FBRSL1: variants seen among roughly 807,000 people sequenced by gnomAD.
FBRSL1 encodes the protein fibrosin like 1, also known as fibrosin-1-like protein.
A neutral mutation model predicts 89.6 loss-of-function variants in FBRSL1; 51 were observed. The observed-to-expected ratio is 0.57, with a 90% confidence interval of 0.45 to 0.72. FBRSL1 has a LOEUF of 0.72. Ranked by LOEUF, FBRSL1 falls within the 30% of genes least tolerant of loss-of-function variation. The probability of loss-of-function intolerance (pLI) is 0.00; values close to 1 mark genes in which losing one functional copy is unlikely to be tolerated. For missense variants in FBRSL1, 1,618 were observed against 1,451.8 expected (o/e 1.11, Z -1.86); for synonymous variants, 779 against 681.1 (o/e 1.14, Z -2.24).
intron 15 of FBRSL1, chr12:132,580,908 G>C: frequency 2.0e-6 from 2 of 985,432 alleles, no homozygotes; most frequent in Non-Finnish European, 2.4e-6. Flanking sequence ...GCTCTCCAAG[G>C]GTTGTTGGGG....
chr12:132,518,432 C>T (rs938365798), intron 2 of FBRSL1, among the ~76,000 whole-genome samples: 1 of 151,866 alleles, frequency 6.6e-6, no homozygotes, highest in African/African-American at 2.4e-5. Flanking sequence ...ATCATCCACC[C>T]GTCTGTAGTG....
intron 4 of FBRSL1, among the ~76,000 whole-genome samples, chr12:132,542,042 G>A (rs1265544921): frequency 1.3e-5 from 2 of 152,248 alleles, no homozygotes; most frequent in East Asian, 3.8e-4. Flanking sequence ...TCGGCGGCAC[G>A]TGGCTCTGTG....
At chr12:132,571,614 A>C in intron 9 of FBRSL1, 19 of 920,860 alleles carry the variant, frequency 2.1e-5, no homozygotes, top group Non-Finnish European at 2.6e-5. Context: ...TCGCACACAC[A>C]CCAGCCCAGG....
At chr12:132,553,269 C>T (rs1256579045) in intron 5 of FBRSL1, 5 of 152,480 alleles carry the variant, frequency 3.3e-5, no homozygotes, top group African/African-American at 4.8e-5. Flanking sequence ...GTGGGGTGAC[C>T]TCACAGGGTG....
chr12:132,500,984 C>T (rs1369927711), intron 1 of FBRSL1, among the ~76,000 whole-genome samples: 1 of 152,230 alleles, frequency 6.6e-6, no homozygotes, highest in Non-Finnish European at 1.5e-5. Flanking sequence ...GTCCTGTGGC[C>T]GGCGTGGCTG....
intron 4 of FBRSL1, among the ~76,000 whole-genome samples, chr12:132,541,567 A>C (rs1453912236): frequency 2.0e-5 from 3 of 152,218 alleles, no homozygotes; most frequent in Non-Finnish European, 4.4e-5. Flanking sequence ...CTAAGCCCAC[A>C]TGGTGGAGGG....
intron 15 of FBRSL1, among the ~76,000 whole-genome samples, chr12:132,579,726 T>G (rs1203159785): frequency 6.6e-6 from 1 of 152,204 alleles, no homozygotes; most frequent in Non-Finnish European, 1.5e-5. Flanking sequence ...GCAGGTTTTG[T>G]CACGAGGGCT....
At chr12:132,551,499 C>T (rs1416513148) in intron 5 of FBRSL1, 7 of 456,208 alleles carry the variant, frequency 1.5e-5, no homozygotes, top group Non-Finnish European at 2.6e-5. Context: ...GTGGGGAGGG[C>T]GCGGGCGCAT....
intron 5 of FBRSL1, among the ~76,000 whole-genome samples, chr12:132,567,044 G>A (rs2039675315): frequency 6.6e-6 from 1 of 152,234 alleles, no homozygotes; most frequent in Non-Finnish European, 1.5e-5. Flanking sequence ...GTGGTTGGGA[G>A]CAGGAGGTGT....
At chr12:132,570,712 G>T (rs1024846452) in intron 8 of FBRSL1, among the ~76,000 whole-genome samples, 172 bp downstream of exon 8, 2 of 152,166 alleles carry the variant, frequency 1.3e-5, no homozygotes, top group Admixed American at 1.3e-4. Context: ...TCTCTGCTGG[G>T]CCACAGGCCA....
intron 5 of FBRSL1, chr12:132,566,375 T>C (rs1283092098): frequency 1.3e-5 from 2 of 149,002 alleles, no homozygotes; most frequent in Non-Finnish European, 1.5e-5. Flanking sequence ...GACAGAAACG[T>C]TGAATCCACA....
At position 132,572,190 on chromosome 12, in the gene FBRSL1, C is replaced by T. The variant is rs368508334; in HGVS notation, c.1378-98C>T. 1.6e-4 allele frequency: 182 copies of T among 1,131,652 alleles called. 1 individual carries two copies. Among genetic ancestry groups the T allele is most frequent in the South Asian group, 6.2e-4 (44 of 70,928 alleles). The allele number at this position is 1,131,652 out of a possible 1,614,324, so 70.1% of individuals were successfully genotyped here. On this transcript the variant is annotated intron_variant, in intron 9 of 18. Coordinates refer to ENST00000680143, the MANE Select transcript of FBRSL1 (RefSeq NM_001367871.1). Reference sequence around the variant, plus strand: ...CCGCCAGCCTCAGGAAGCACAACGCCGTCCTGTCACTGCCCAGCCCGGCCA... The same window carrying T: ...CCGCCAGCCTCAGGAAGCACAACGCTGTCCTGTCACTGCCCAGCCCGGCCA...
At chr12:132,511,838 C>T in intron 2 of FBRSL1, 2 of 982,560 alleles carry the variant, frequency 2.0e-6, no homozygotes, top group Non-Finnish European at 2.4e-6. Flanking sequence ...CCTCGCTCCC[C>T]ACCCACCCGG....
At chr12:132,571,262 C>A (rs539638805) in intron 9 of FBRSL1, 31 bp downstream of exon 9, 1 of 1,481,450 alleles carries the variant, frequency 6.8e-7, no homozygotes, top group South Asian at 1.3e-5. Flanking sequence ...GCCGGGAGCC[C>A]GCGGCCAACG....
chr12:132,512,380 T>C (rs530565621), intron 2 of FBRSL1, among the ~76,000 whole-genome samples: 18 of 152,368 alleles, frequency 1.2e-4, no homozygotes, highest in Admixed American at 4.6e-4. Flanking sequence ...GTGCTTGTGT[T>C]CTGCTCACGG....
intron 1 of FBRSL1, among the ~76,000 whole-genome samples, chr12:132,504,139 A>C (rs1429005408): frequency 6.6e-6 from 1 of 152,104 alleles, no homozygotes; most frequent in Non-Finnish European, 1.5e-5. Context: ...CCTGGTGCCA[A>C]GGAGGGGAGA....
At chr12:132,496,247 C>T (rs886473427) in intron 1 of FBRSL1, among the ~76,000 whole-genome samples, 1 of 152,220 alleles carries the variant, frequency 6.6e-6, no homozygotes, top group Non-Finnish European at 1.5e-5. Flanking sequence ...CTCTCGTGCC[C>T]CAGCTGTCCT....
At chr12:132,507,242 T>A in intron 1 of FBRSL1, 1 of 985,506 alleles carries the variant, frequency 1.0e-6, no homozygotes, top group Non-Finnish European at 1.2e-6. Flanking sequence ...TGCTGCTGTT[T>A]TCCTCACAGC....
At chr12:132,566,067 T>TC (rs1258220515) in intron 5 of FBRSL1, 1 of 152,082 alleles carries the variant, frequency 6.6e-6, no homozygotes, top group Non-Finnish European at 1.5e-5. Context: ...ACATCTCAAG[T>TC]CTTAGTCCGT....
Sources: gnomAD v4.1 joint callset for allele counts (sites outside exome capture counted in the v4.1 genomes callset) on GRCh38, gnomAD v4.1.1 for gene constraint, MANE v1.5 for transcripts, NCBI Gene and HGNC (gene_info 2026-07-23, HGNC 2026-07-21) for gene names.